LGR5: variants seen among roughly 807,000 people sequenced by gnomAD.
LGR5 encodes the protein leucine-rich repeat-containing G protein-coupled receptor 5.
In LGR5, 54 loss-of-function variants were observed where a neutral mutation model predicts 76.7. That is an observed-to-expected ratio of 0.70 (90% CI 0.57 to 0.88). LGR5 has a LOEUF of 0.88. LGR5 is among the 40% of genes least tolerant of loss of function. The pLI, the probability that LGR5 is intolerant of heterozygous loss-of-function variation, is 0.00. For synonymous variants in LGR5, 406 were observed against 421.9 expected (o/e 0.96, Z 0.46); for missense variants, 1,078 against 1,073.3 (o/e 1.00, Z -0.06).
intron 3 of LGR5, 118 bp downstream of exon 3, chr12:71,524,595 T>G: frequency 1.6e-6 from 1 of 624,406 alleles, no homozygotes; most frequent in South Asian, 2.6e-5. Flanking sequence ...ATAATTCATC[T>G]AAATTCAAGT....
Position 71,537,688 on chromosome 12 carries a change from G to A in LGR5, c.428+2502G>A, listed in dbSNP as rs144852620. 1.4e-3 allele frequency among the ~76,000 whole-genome samples: 214 copies of A among 152,126 alleles called. 2 individuals are homozygous for A. The highest frequency in any genetic ancestry group is 4.6e-3 in the African/African-American group (189 of 41,508). ...TACTTCTCCTTCTTCCTTTAAGCACGTCTAAAAATAAAAACATTAGTTTGA... is the reference window on the plus strand; with the variant it reads ...TACTTCTCCTTCTTCCTTTAAGCACATCTAAAAATAAAAACATTAGTTTGA... On this transcript the variant is annotated intron_variant, in intron 4 of 17. Coordinates refer to ENST00000266674, the MANE Select transcript of LGR5 (RefSeq NM_003667.4).
At position 71,586,036 on chromosome 12, in the gene LGR5, A is replaced by C. The variant is rs558630162; in HGVS notation, c.*1302A>C. 1.3e-5 allele frequency: 2 copies of C among 152,322 alleles called. No individual in the cohort carries two copies. Among genetic ancestry groups the C allele is most frequent in the Admixed American group, 1.3e-4 (2 of 15,302 alleles). The allele number at this position is 152,322 out of a possible 1,614,324, so 9.4% of individuals were successfully genotyped here. On this transcript the variant is annotated 3_prime_UTR_variant, in exon 18 of 18. Coordinates refer to ENST00000266674, the MANE Select transcript of LGR5 (RefSeq NM_003667.4). ...ATCAGATGTTTTAACTTGGATTTGA[A>C]AAAATACATTTATGAGATGTTTTAT...
Position 71,579,124 on chromosome 12 carries a change from T to G in LGR5, c.1406+195T>G, listed in dbSNP as rs73146221. On this transcript the variant is annotated intron_variant, in intron 15 of 17. Coordinates refer to ENST00000266674, the MANE Select transcript of LGR5 (RefSeq NM_003667.4). ...AATGTGTCCTCCTGACCATATTTCCTTTCCTTCTCAAAGATGCCTCCCAGA... is the reference window on the plus strand; with the variant it reads ...AATGTGTCCTCCTGACCATATTTCCGTTCCTTCTCAAAGATGCCTCCCAGA... Among the ~76,000 whole-genome samples the G allele has an allele frequency of 8.6e-3, 1,313 of 152,310 alleles. 18 individuals carry two copies. The highest frequency in any genetic ancestry group is 0.053 in the East Asian group (276 of 5,192).
At chr12:71,444,936 A>T (rs1203805240) in intron 1 of LGR5, among the ~76,000 whole-genome samples, 2 of 152,210 alleles carry the variant, frequency 1.3e-5, no homozygotes, top group African/African-American at 4.8e-5. Context: ...GACTTACCTT[A>T]GCAAAGCATT....
intron 3 of LGR5, 73 bp downstream of exon 3, chr12:71,524,550 C>G (rs1014344935): frequency 4.9e-6 from 5 of 1,019,346 alleles, no homozygotes; most frequent in Non-Finnish European, 7.8e-6. Flanking sequence ...CTTGTAAAAG[C>G]TGAGTGTCTC....
chr12:71,448,060 C>A (rs999943434), intron 1 of LGR5, among the ~76,000 whole-genome samples: 5 of 148,172 alleles, frequency 3.4e-5, no homozygotes, highest in African/African-American at 7.6e-5. Flanking sequence ...CCCCCTTCCT[C>A]CTCGTCTCCC....
chr12:71,562,069 C>T (rs937168603), intron 8 of LGR5, among the ~76,000 whole-genome samples: 3 of 152,058 alleles, frequency 2.0e-5, no homozygotes, highest in African/African-American at 7.2e-5. Flanking sequence ...ATTGGTATCT[C>T]CAGATGTGCT....
intron 3 of LGR5, among the ~76,000 whole-genome samples, chr12:71,529,441 G>A (rs987668303): frequency 3.9e-5 from 6 of 152,026 alleles, no homozygotes; most frequent in Admixed American, 6.6e-5. Flanking sequence ...GGCAGAAAGC[G>A]CCCCCATGAT....
At chr12:71,533,816 C>T (rs1409998178) in intron 3 of LGR5, among the ~76,000 whole-genome samples, 1 of 152,172 alleles carries the variant, frequency 6.6e-6, no homozygotes, top group Non-Finnish European at 1.5e-5. Flanking sequence ...GGTGATTTTC[C>T]AATCTCTAGT....
intron 13 of LGR5, 86 bp from the exon 14 acceptor site, chr12:71,577,839 T>C (rs1878924224): frequency 2.4e-6 from 2 of 845,034 alleles, no homozygotes; most frequent in South Asian, 3.0e-5. Context: ...ATTAAATTAA[T>C]TTTGGTAGAA....
At position 71,571,529 on chromosome 12, in the gene LGR5, C is replaced by A. The variant is rs751606900; in HGVS notation, c.1086C>A (p.Asn362Lys). Residue 362 changes from asparagine (N) to lysine (K), a missense_variant, in exon 12 of 18, where the codon AAC becomes AAA. Coordinates refer to ENST00000266674, the MANE Select transcript of LGR5 (RefSeq NM_003667.4). ...TGTTTTTCAGAGATCTGTCTTACAACCTATTAGAAGATTTACCCAGTTTTT... is the reference window on the plus strand; with the variant it reads ...TGTTTTTCAGAGATCTGTCTTACAAACTATTAGAAGATTTACCCAGTTTTT... ...PNLQVLDLSY[N>K]LLEDLPSFSV... 4 of 1,612,358 alleles carry A rather than the reference C, an allele frequency of 2.5e-6. No homozygotes were observed. The highest frequency in any genetic ancestry group is 4.5e-5 in the East Asian group (2 of 44,834).
At chr12:71,472,744 C>T (rs1049396225) in intron 1 of LGR5, among the ~76,000 whole-genome samples, 1 of 152,192 alleles carries the variant, frequency 6.6e-6, no homozygotes, top group African/African-American at 2.4e-5. Flanking sequence ...GGGTGTGATC[C>T]TTGTCTCTCA....
At chr12:71,581,845 C>T (rs990557374) in intron 16 of LGR5, among the ~76,000 whole-genome samples, 1 of 152,238 alleles carries the variant, frequency 6.6e-6, no homozygotes, top group Non-Finnish European at 1.5e-5. Context: ...CCACATATTA[C>T]ACTCACATAG....
Position 71,584,912 on chromosome 12 carries a change from G to A in LGR5, c.*178G>A, listed in dbSNP as rs901888252. ...TCTTGATACTTGAGAGTGAATATAAGTCTAAATGCTGCTTTGTATAATTTG... is the reference window on the plus strand; with the variant it reads ...TCTTGATACTTGAGAGTGAATATAAATCTAAATGCTGCTTTGTATAATTTG... On this transcript the variant is annotated 3_prime_UTR_variant, in exon 18 of 18. Coordinates refer to ENST00000266674, the MANE Select transcript of LGR5 (RefSeq NM_003667.4). The A allele has an allele frequency of 4.9e-6, 3 of 612,894 alleles. No homozygotes were observed. The African/African-American group carries it at 5.5e-5, about 11-fold the overall frequency. The allele number at this position is 612,894 out of a possible 1,614,324, so 38.0% of individuals were successfully genotyped here.
chr12:71,524,056 C>A (rs529693842), intron 2 of LGR5, among the ~76,000 whole-genome samples: 1 of 152,094 alleles, frequency 6.6e-6, no homozygotes, highest in Non-Finnish European at 1.5e-5. Context: ...TTGTAAAACT[C>A]GTGACAGTCA....
chr12:71,566,114 A>C (rs1878327985), intron 8 of LGR5, among the ~76,000 whole-genome samples: 1 of 152,076 alleles, frequency 6.6e-6, no homozygotes, highest in African/African-American at 2.4e-5. Context: ...GGGAGAGGAA[A>C]CTGTTAAGTA....
intron 15 of LGR5, among the ~76,000 whole-genome samples, chr12:71,579,776 C>T (rs1331325343): frequency 2.0e-5 from 3 of 152,114 alleles, no homozygotes; most frequent in Non-Finnish European, 2.9e-5. Context: ...ATCCCCACTT[C>T]CCCCCAAGTC....
At chr12:71,446,037 C>T (rs1419901966) in intron 1 of LGR5, among the ~76,000 whole-genome samples, 1 of 152,154 alleles carries the variant, frequency 6.6e-6, no homozygotes, top group Non-Finnish European at 1.5e-5. Context: ...CTGTGAGCTC[C>T]TCCAGGGTAG....
chr12:71,486,915 T>TA (rs1873854586), intron 1 of LGR5, among the ~76,000 whole-genome samples: 1 of 152,194 alleles, frequency 6.6e-6, no homozygotes, highest in Non-Finnish European at 1.5e-5. Flanking sequence ...AGGGCTCCTT[T>TA]ATGAGGGCCA....
Sources: gnomAD v4.1 joint callset for allele counts (sites outside exome capture counted in the v4.1 genomes callset) on GRCh38, gnomAD v4.1.1 for gene constraint, MANE v1.5 for transcripts, NCBI Gene and HGNC (gene_info 2026-07-23, HGNC 2026-07-21) for gene names.